The following PAK3 variants were observed in gnomAD, a reference collection of about 807,000 sequenced individuals.
The protein encoded by PAK3 is p21 (RAC1) activated kinase 3, also known as serine/threonine-protein kinase PAK 3.
PAK3 carries 4 observed loss-of-function variants against 41.0 expected under a neutral mutation model. That is an observed-to-expected ratio of 0.10 (90% CI 0.05 to 0.22). The LOEUF (loss-of-function observed/expected upper bound fraction) is 0.22. Ranked by LOEUF, PAK3 falls within the 10% of genes least tolerant of loss-of-function variation. The pLI, the probability that PAK3 is intolerant of heterozygous loss-of-function variation, is 1.00. For synonymous variants in PAK3, 146 were observed against 139.6 expected (o/e 1.05, Z -0.32); for missense variants, 205 against 409.9 (o/e 0.50, Z 4.32).
chrX:111,032,345 T>TA (rs1394927023), intron 1 of PAK3, among the ~76,000 whole-genome samples: 4 of 112,019 alleles, frequency 3.6e-5, no homozygotes, highest in East Asian at 2.8e-4. Context: ...TATAGTTTTT[T>TA]AAAAAAAGGA....
At chrX:111,058,658 A>G in intron 1 of PAK3, among the ~76,000 whole-genome samples, 1 of 111,489 alleles carries the variant, frequency 9.0e-6, no homozygotes, top group East Asian at 2.8e-4. Context: ...CCTTTGACAC[A>G]CACCCAAAAA....
intron 1 of PAK3, among the ~76,000 whole-genome samples, chrX:111,016,990 G>C (rs938766203): frequency 1.8e-5 from 2 of 111,411 alleles, no homozygotes; most frequent in Non-Finnish European, 3.8e-5. Context: ...CTTTGGGCTG[G>C]AAAACATCAC....
chrX:110,996,072 A>C (rs185238843), intron 1 of PAK3, among the ~76,000 whole-genome samples: 286 of 111,976 alleles, frequency 2.6e-3, no homozygotes, highest in African/African-American at 9.0e-3. Context: ...GAGAGCATTA[A>C]AAAACAAAAC....
intron 10 of PAK3, among the ~76,000 whole-genome samples, chrX:111,170,826 T>C (rs372281867): frequency 1.8e-5 from 2 of 110,870 alleles, no homozygotes; most frequent in South Asian, 7.7e-4. Flanking sequence ...GGATATAAAG[T>C]AGTAAGGGTG....
At chrX:111,135,178 C>A (rs1211606726) in intron 5 of PAK3, among the ~76,000 whole-genome samples, 1 of 110,938 alleles carries the variant, frequency 9.0e-6, no homozygotes, top group Non-Finnish European at 1.9e-5. Context: ...GAGGACAATG[C>A]AGAGGGACTA....
At chrX:111,038,176 A>G (rs1225427480) in intron 1 of PAK3, among the ~76,000 whole-genome samples, 1 of 112,259 alleles carries the variant, frequency 8.9e-6, no homozygotes, top group Non-Finnish European at 1.9e-5. Flanking sequence ...TGGTAGCTAC[A>G]ATTATTATCA....
intron 1 of PAK3, among the ~76,000 whole-genome samples, chrX:110,992,762 C>G (rs770304325): frequency 1.8e-5 from 2 of 111,639 alleles, no homozygotes; most frequent in African/African-American, 6.5e-5. Context: ...GGTCGGAAAG[C>G]CTTTTGATGG....
At chrX:111,201,179 A>G (rs988243981) in intron 16 of PAK3, among the ~76,000 whole-genome samples, 6 of 112,448 alleles carry the variant, frequency 5.3e-5, no homozygotes, top group Admixed American at 3.8e-4. Flanking sequence ...ACAAGCCCAT[A>G]CAGAGCTAGC....
intron 11 of PAK3, among the ~76,000 whole-genome samples, chrX:111,191,895 G>A (rs2094563283): frequency 1.8e-5 from 2 of 111,221 alleles, no homozygotes; most frequent in African/African-American, 6.5e-5. Flanking sequence ...TGCATATGCT[G>A]TATAAAAAGA....
intron 8 of PAK3, among the ~76,000 whole-genome samples, chrX:111,154,521 T>C (rs1256669083): frequency 9.0e-6 from 1 of 111,616 alleles, no homozygotes; most frequent in Non-Finnish European, 1.9e-5. Flanking sequence ...GTACTTAGTA[T>C]AGTACTTAGC....
chrX:111,034,939 C>G (rs760044558), intron 1 of PAK3, among the ~76,000 whole-genome samples: 1 of 107,646 alleles, frequency 9.3e-6, no homozygotes, highest in East Asian at 2.9e-4. Flanking sequence ...AATCCCATCT[C>G]TACCAAAAAT....
intron 17 of PAK3, among the ~76,000 whole-genome samples, chrX:111,218,350 A>G (rs2094899312): frequency 8.9e-6 from 1 of 112,496 alleles, no homozygotes; most frequent in Non-Finnish European, 1.9e-5. Context: ...CAACCTTCTT[A>G]GGTACATGAA....
intron 1 of PAK3, among the ~76,000 whole-genome samples, chrX:111,060,459 G>C (rs182261450): frequency 2.4e-4 from 27 of 111,672 alleles, no homozygotes; most frequent in South Asian, 3.7e-4. Flanking sequence ...GTTAGGAAGC[G>C]TTCCCTCCTC....
intron 1 of PAK3, among the ~76,000 whole-genome samples, chrX:111,053,716 T>C (rs890610038): frequency 2.7e-5 from 3 of 110,566 alleles, no homozygotes; most frequent in African/African-American, 6.6e-5. Context: ...TCTTTCCTCT[T>C]TCCTTGACAC....
intron 1 of PAK3, among the ~76,000 whole-genome samples, chrX:110,993,619 T>C (rs1413066837): frequency 8.9e-6 from 1 of 112,315 alleles, no homozygotes; most frequent in Non-Finnish European, 1.9e-5. Flanking sequence ...TATCTTGCTT[T>C]AGTTCATTCA....
chrX:111,070,062 A>T lies in PAK3; in HGVS notation c.-27-53015A>T, dbSNP rs1412365604. 3.6e-5 allele frequency among the ~76,000 whole-genome samples: 4 copies of T among 111,391 alleles called. No individual in the cohort carries two copies. The Admixed American group carries it at 3.8e-4, about 11-fold the overall frequency. On this transcript the variant is annotated intron_variant, in intron 1 of 14. Coordinates refer to the PAK3 transcript ENST00000425146. ...TTATGGTCAATTTTCTACCCATTCA[A>T]GCCACTAAAAAATGATTTTCCATTA...
rs1289000618 is a variant in PAK3, at chrX:111,222,695, A to G, written c.*2248A>G. On this transcript the variant is annotated 3_prime_UTR_variant, in exon 18 of 18. Transcript: ENST00000372007. ...TAGTGACTGTGTCCTGCCAGTGGAG[A>G]GAGCCCAATACCTGGTTAGGAAGCC... The G allele has an allele frequency of 9.0e-6, 1 of 111,715 alleles. No homozygotes were observed. Among genetic ancestry groups the G allele is most frequent in the African/African-American group, 3.3e-5 (1 of 30,702 alleles). The allele number at this position is 111,715 out of a possible 1,213,427, so 9.2% of individuals were successfully genotyped here.
At chrX:111,002,547 T>A (rs1156883280) in intron 1 of PAK3, among the ~76,000 whole-genome samples, 2 of 111,709 alleles carry the variant, frequency 1.8e-5, no homozygotes, top group Non-Finnish European at 3.8e-5. Context: ...ACTGATGTAC[T>A]TGGATGTCTG....
chrX:111,145,933 A>G (rs766418560), intron 6 of PAK3, among the ~76,000 whole-genome samples: 11 of 111,876 alleles, frequency 9.8e-5, no homozygotes, highest in Non-Finnish European at 1.9e-4. Flanking sequence ...TTCTTTATCT[A>G]GTTTTCTCTA....
Sources: allele counts gnomAD v4.1 joint callset (sites outside exome capture counted in the v4.1 genomes callset), GRCh38; gene constraint gnomAD v4.1.1; transcripts MANE v1.5; gene names NCBI Gene and HGNC (gene_info 2026-07-23, HGNC 2026-07-21).